HABP4: variants seen among roughly 807,000 people sequenced by gnomAD.
HABP4 encodes the protein hyaluronan binding protein 4, also known as intracellular hyaluronan-binding protein 4.
Under a neutral mutation model 44.1 loss-of-function variants are expected in HABP4, and 32 were observed. The observed-to-expected ratio is 0.73, with a 90% confidence interval of 0.55 to 0.97. The LOEUF is 0.97. Among genes scored for constraint, HABP4 ranks in the 50% least tolerant of loss-of-function variants. HABP4 has a pLI of 0.00. For missense variants in HABP4, 503 were observed against 561.9 expected (o/e 0.90, Z 1.06); for synonymous variants, 216 against 218.0 (o/e 0.99, Z 0.08).
At chr9:96,466,393 T>G (rs1427065043) in intron 4 of HABP4, among the ~76,000 whole-genome samples, 2 of 152,038 alleles carry the variant, frequency 1.3e-5, no homozygotes, top group Non-Finnish European at 2.9e-5. Context: ...AAAAAGCTTT[T>G]TGTTTTGTTC....
chr9:96,475,063 T>C (rs1192643432), intron 5 of HABP4, among the ~76,000 whole-genome samples: 1 of 152,152 alleles, frequency 6.6e-6, no homozygotes, highest in Non-Finnish European at 1.5e-5. Context: ...TGACGACTCT[T>C]TGTATTTTGT....
intron 6 of HABP4, among the ~76,000 whole-genome samples, chr9:96,487,084 A>G (rs1832987695): frequency 6.6e-6 from 1 of 151,982 alleles, no homozygotes; most frequent in Non-Finnish European, 1.5e-5. Context: ...TTAAGCATCC[A>G]ACTACCTAAA....
intron 1 of HABP4, among the ~76,000 whole-genome samples, chr9:96,454,297 G>T (rs993373832): frequency 2.0e-5 from 3 of 152,066 alleles, no homozygotes; most frequent in Admixed American, 6.6e-5. Flanking sequence ...TTTACGCTGG[G>T]GTAAAAGTAT....
intron 2 of HABP4, among the ~76,000 whole-genome samples, chr9:96,461,690 C>T (rs1020642821): frequency 1.3e-5 from 2 of 151,904 alleles, no homozygotes; most frequent in East Asian, 3.9e-4. Context: ...TCTGTTTTCT[C>T]ATTGAAAAAT....
chr9:96,458,241 TGAAG>T, intron 1 of HABP4, 134 bp from the exon 2 acceptor site: 3 of 877,112 alleles, frequency 3.4e-6, no homozygotes, highest in Admixed American at 4.0e-5. Context: ...CTTTTTTCTT[TGAAG>T]TTTTCTAAAC....
rs1832252797 is a variant in HABP4, at chr9:96,450,579, G to A, written c.300G>A (p.Ala100=). Residue 100 remains alanine (A), a synonymous_variant, in exon 1 of 8, where the codon GCG becomes GCA. Transcript: ENST00000375249. This position sits in a 1 kb window ranked among gnomAD's most constrained non-coding sequence, Gnocchi z 4.8. The stretch of plus-strand genomic sequence containing the variant: ...AGAAGGAGCGCAAGAGCCTCCCGGC[G>A]CCCGTCGCTCAGCGGCCCGATAGCC... ...ESQKERKSLP[A]PVAQRPDSPG... is the part of the protein sequence containing the mutation. 5.5e-6 allele frequency: 7 copies of A among 1,281,366 alleles called. No homozygotes were observed. Among genetic ancestry groups the A allele is most frequent in the Non-Finnish European group, 5.9e-6 (6 of 1,014,244 alleles). 79.4% of individuals were successfully genotyped at this position (1,281,366 alleles called of 1,614,324 possible). A position where few individuals can be genotyped will look rare whatever the true frequency, so the allele number is the denominator to read the frequency against.
chr9:96,472,067 G>C (rs1832707640), intron 5 of HABP4, among the ~76,000 whole-genome samples: 1 of 152,022 alleles, frequency 6.6e-6, no homozygotes. Context: ...GGGATTACAG[G>C]CATGAGCCAC....
intron 5 of HABP4, chr9:96,483,583 A>G (rs908985306): frequency 9.2e-5 from 14 of 152,210 alleles, no homozygotes; most frequent in African/African-American, 1.9e-4. Context: ...TATTCTAGAT[A>G]CAAGTCCCTT....
intron 1 of HABP4, among the ~76,000 whole-genome samples, chr9:96,457,591 G>A (rs932491205): frequency 6.6e-6 from 1 of 152,348 alleles, no homozygotes; most frequent in East Asian, 1.9e-4. Flanking sequence ...ACCTTGGCCA[G>A]GCGCTGAGGC....
chr9:96,486,512 C>G (rs1185383671), intron 6 of HABP4, among the ~76,000 whole-genome samples: 1 of 152,208 alleles, frequency 6.6e-6, no homozygotes, highest in African/African-American at 2.4e-5. Context: ...AGAAGCTGCT[C>G]TTTCTTAATC....
chr9:96,461,948 G>A (rs1564160931), intron 2 of HABP4, among the ~76,000 whole-genome samples: 1 of 151,950 alleles, frequency 6.6e-6, no homozygotes, highest in East Asian at 1.9e-4. Flanking sequence ...CCTGAGGTCA[G>A]GAGTTCAAGA....
At chr9:96,460,271 G>A (rs1832478086) in intron 2 of HABP4, among the ~76,000 whole-genome samples, 1 of 152,102 alleles carries the variant, frequency 6.6e-6, no homozygotes, top group Non-Finnish European at 1.5e-5. Context: ...AAAGTTTTAA[G>A]AATTATACGA....
intron 5 of HABP4, among the ~76,000 whole-genome samples, chr9:96,481,605 C>T (rs1832881427): frequency 6.6e-6 from 1 of 151,848 alleles, no homozygotes; most frequent in African/African-American, 2.4e-5. Flanking sequence ...ATTAGCTGGG[C>T]CTGATGGCTC....
Position 96,450,529 on chromosome 9 carries a change from G to A in HABP4, c.250G>A (p.Gly84Ser). The A allele has an allele frequency of 8.1e-7, 1 of 1,232,540 alleles. No homozygotes were observed. The highest frequency in any genetic ancestry group is 1.0e-6 in the Non-Finnish European group (1 of 987,390). The allele number at this position is 1,232,540 out of a possible 1,614,324, so 76.4% of individuals were successfully genotyped here. Reference sequence around the variant, plus strand: ...AGCCGGGGCCTCGGGCCACAGAGCCGGCGCGGGCGGCCGGAGGGAGTCGCA... The same window carrying A: ...AGCCGGGGCCTCGGGCCACAGAGCCAGCGCGGGCGGCCGGAGGGAGTCGCA... ...SPAGASGHRA[G>S]AGGRRESQKE... Residue 84 changes from glycine to serine, a missense_variant, in exon 1 of 8, where the codon GGC becomes AGC. Transcript: ENST00000375249. This position sits in a 1 kb window ranked among gnomAD's most constrained non-coding sequence, Gnocchi z 4.8.
chr9:96,478,041 T>C (rs868229613), intron 5 of HABP4, among the ~76,000 whole-genome samples: 1 of 152,208 alleles, frequency 6.6e-6, no homozygotes, highest in Non-Finnish European at 1.5e-5. Flanking sequence ...CATTGCAGAG[T>C]AGTAGTCTGT....
At chr9:96,454,958 A>AT (rs971401974) in intron 1 of HABP4, among the ~76,000 whole-genome samples, 11 of 150,634 alleles carry the variant, frequency 7.3e-5, no homozygotes, top group African/African-American at 1.7e-4. Context: ...ACAAAAAAAA[A>AT]TTTTTTTTTT....
At chr9:96,489,241 G>A (rs1003054169) in intron 7 of HABP4, among the ~76,000 whole-genome samples, 2 of 152,202 alleles carry the variant, frequency 1.3e-5, no homozygotes, top group Admixed American at 6.5e-5. Flanking sequence ...TCTATTCTGC[G>A]ATAGGAAACA....
Position 96,488,724 on chromosome 9 carries a change from G to A in HABP4, c.1185+450G>A, listed in dbSNP as rs1359698669. Among the ~76,000 whole-genome samples the A allele has an allele frequency of 6.6e-6, 1 of 152,134 alleles. No individual in the cohort carries two copies. The highest frequency in any genetic ancestry group is 1.5e-5 in the Non-Finnish European group (1 of 68,022). On this transcript the variant is annotated intron_variant, in intron 7 of 7. Coordinates refer to ENST00000375249, the MANE Select transcript of HABP4 (RefSeq NM_014282.4). This position sits in a 1 kb window ranked among gnomAD's most constrained non-coding sequence, Gnocchi z 4.6. ...CTGCCTCACACCGTCCTCAGCCAAG[G>A]CTGCCTGATTCTAGCTCTCAACACA...
chr9:96,487,944 A>C (rs1833003685), intron 6 of HABP4, 145 bp from the exon 7 acceptor site: 3 of 649,332 alleles, frequency 4.6e-6, no homozygotes, highest in Non-Finnish European at 8.4e-6. Context: ...TCTGCAGCCC[A>C]GGGCCAGAGA....
Sources: allele counts gnomAD v4.1 joint callset (sites outside exome capture counted in the v4.1 genomes callset), GRCh38; gene constraint gnomAD v4.1.1; non-coding constraint Gnocchi (gnomAD v3.1); transcripts MANE v1.5; gene names NCBI Gene and HGNC (gene_info 2026-07-23, HGNC 2026-07-21).